METTL8: variants seen among roughly 807,000 people sequenced by gnomAD.
The protein encoded by METTL8 is tRNA N(3)-cytidine methyltransferase METTL8, mitochondrial.
A neutral mutation model predicts 48.7 loss-of-function variants in METTL8; 32 were observed. That is an observed-to-expected ratio of 0.66 (90% CI 0.50 to 0.88). The LOEUF is 0.88. METTL8 is among the 40% of genes least tolerant of loss of function. The pLI is 0.00. For synonymous variants in METTL8, 136 were observed against 157.1 expected, an observed-to-expected ratio of 0.87 and a Z score of 1.01; for missense variants, 464 against 474.4, an observed-to-expected ratio of 0.98 and a Z score of 0.20.
At chr2:171,328,459 T>C (rs1685183797) in intron 7 of METTL8, among the ~76,000 whole-genome samples, 1 of 152,168 alleles carries the variant, frequency 6.6e-6, no homozygotes, top group African/African-American at 2.4e-5. Flanking sequence ...TTTTCTGGGG[T>C]TGAATCTACT....
In METTL8 at chr2:171,324,299, C is replaced by T. The variant is rs201005071; in HGVS notation, c.1097G>A (p.Arg366His). The T allele has an allele frequency of 3.5e-5, 54 of 1,551,554 alleles. No homozygotes were observed. The highest frequency in any genetic ancestry group is 3.4e-4 in the African/African-American group (25 of 73,092). ...LDEKQNLVDR[R>H]LQVNRKKQVK... Reference sequence around the variant, plus strand: ...TTGTTTTTTCCTATTAACTTGTAAGCGGCGATCAACCAGATTTTGCTTTTC... The same window carrying T: ...TTGTTTTTTCCTATTAACTTGTAAGTGGCGATCAACCAGATTTTGCTTTTC... The change falls in exon 10 of 10, where the codon CGC becomes CAC. Residue 366 changes from arginine to histidine, a missense_variant. Physicochemically the swap from Arg to His is conservative, Grantham distance 29. Coordinates refer to ENST00000375258, the MANE Select transcript of METTL8 (RefSeq NM_001321154.2).
chr2:171,326,186 A>ATT, intron 7 of METTL8, 38 bp from the exon 8 acceptor site: 1 of 1,144,618 alleles, frequency 8.7e-7, no homozygotes, highest in African/African-American at 1.6e-5. Context: ...CCCAGTTTGT[A>ATT]GAAATCTTGT....
chr2:171,369,513 T>C (rs1686080827), intron 2 of METTL8, among the ~76,000 whole-genome samples: 1 of 152,224 alleles, frequency 6.6e-6, no homozygotes, highest in South Asian at 2.1e-4. Context: ...AATATGTCAT[T>C]TATGTTAATA....
At chr2:171,342,745 C>CTT (rs1686902613) in intron 3 of METTL8, among the ~76,000 whole-genome samples, 1 of 152,128 alleles carries the variant, frequency 6.6e-6, no homozygotes, top group South Asian at 2.1e-4. Context: ...TATCAAGCTA[C>CTT]TTGTGAAGTG....
rs141737189 is a variant in METTL8 at position 171,330,620 on chromosome 2, G to C, written c.799C>G (p.Pro267Ala). The C allele has an allele frequency of 5.4e-5, 87 of 1,613,794 alleles. No individual in the cohort carries two copies. In the African/African-American group the frequency reaches 1.0e-3, roughly 19 times the overall value. ...VCDDGLPYPF[P>A]DGILDVILLV... ...AGAATGACATCCAGGATCCCATCTGGAAAAGGGTAAGGTAAGCCATCATCA... is the reference window on the plus strand; with the variant it reads ...AGAATGACATCCAGGATCCCATCTGCAAAAGGGTAAGGTAAGCCATCATCA... The change falls in exon 7 of 10, where the codon CCA (proline) becomes GCA (alanine). Residue 267 changes from proline (P) to alanine (A), a missense_variant. Physicochemically the swap from Pro to Ala is conservative, Grantham distance 27. Transcript: ENST00000375258.
At position 171,325,836 on chromosome 2, in the gene METTL8, C is replaced by T; in HGVS notation, c.1033+5G>A. 8 of 1,539,176 alleles carry T rather than the reference C, an allele frequency of 5.2e-6. No individual in the cohort carries two copies. The highest frequency in any genetic ancestry group is 7.1e-6 in the Non-Finnish European group (8 of 1,123,770). On this transcript the variant is annotated splice_donor_5th_base_variant and intron_variant, in intron 9 of 9. Transcript: ENST00000375258. ...CCAATTATTTCCTTTTGTAGATTAG[C>T]ATACCTTTTGTAAAGAAATATGCTC...
At chr2:171,385,609 G>A (rs545921270) in intron 2 of METTL8, among the ~76,000 whole-genome samples, 1 of 152,232 alleles carries the variant, frequency 6.6e-6, no homozygotes, top group Non-Finnish European at 1.5e-5. Flanking sequence ...TGTTGGTAGA[G>A]AGTTCACCAC....
At chr2:171,331,237 A>C (rs918362922) in intron 6 of METTL8, among the ~76,000 whole-genome samples, 2 of 151,966 alleles carry the variant, frequency 1.3e-5, no homozygotes, top group Non-Finnish European at 2.9e-5. Context: ...CAGCCTCCCA[A>C]GTAGCTGGGA....
chr2:171,369,378 T>C (rs926934944), intron 2 of METTL8, among the ~76,000 whole-genome samples: 11 of 152,226 alleles, frequency 7.2e-5, no homozygotes, highest in African/African-American at 2.7e-4. Context: ...ATTATCTTCA[T>C]ATAATGCAAG....
At chr2:171,399,987 T>C (rs1689485090) in intron 1 of METTL8, among the ~76,000 whole-genome samples, 1 of 151,786 alleles carries the variant, frequency 6.6e-6, no homozygotes, top group African/African-American at 2.4e-5. Context: ...TAAAAATAAA[T>C]AAATAAAAGG....
Position 171,321,111 on chromosome 2 carries a change from T to C in METTL8, c.*3061A>G, listed in dbSNP as rs543002317. ...CCCCAAGAAACCTGATTCTTCTCCA[T>C]TCTTTTTCAGAGCTAATCTCTCTCT... is the stretch of plus-strand genomic sequence containing the variant. On this transcript the variant is annotated 3_prime_UTR_variant, in exon 10 of 10. Coordinates refer to ENST00000375258, the MANE Select transcript of METTL8 (RefSeq NM_001321154.2). The C allele has an allele frequency of 6.6e-6, 1 of 152,416 alleles. No individual in the cohort carries two copies. The highest frequency in any genetic ancestry group is 1.9e-4 in the East Asian group (1 of 5,196). 9.4% of individuals were successfully genotyped at this position (152,416 alleles called of 1,614,324 possible).
rs1016504771 is a variant in METTL8, at chr2:171,370,905, G to T, written c.144-10392C>A. 1.4e-4 allele frequency among the ~76,000 whole-genome samples: 21 copies of T among 152,170 alleles called. No individual in the cohort carries two copies. The East Asian group carries it at 3.5e-3, about 25-fold the overall frequency. On this transcript the variant is annotated intron_variant, in intron 2 of 9. Transcript: ENST00000375258. The stretch of plus-strand genomic sequence containing the variant: ...GTGAACAGGACCTAAGGGCTTCTGG[G>T]GTCTGCAATGTTCTGCTCCTGACTA...
chr2:171,375,658 TTTC>T (rs1039007991), intron 2 of METTL8, among the ~76,000 whole-genome samples: 1 of 152,226 alleles, frequency 6.6e-6, no homozygotes, highest in African/African-American at 2.4e-5. Flanking sequence ...TGTTGTTTGC[TTTC>T]TTATTATTGA....
In METTL8 at chr2:171,316,495, A is replaced by G. The variant is rs111390523; in HGVS notation, c.*7677T>C. ...GGAAGAAATGTGAGTAAAACAAGGA[A>G]GATTATAATGAAGCTTTGTCTCACT... On this transcript the variant is annotated 3_prime_UTR_variant, in exon 10 of 10. Transcript: ENST00000375258. 2.7e-3 allele frequency among the ~76,000 whole-genome samples: 407 copies of G among 152,340 alleles called. 3 individuals carry two copies. The highest frequency in any genetic ancestry group is 9.2e-3 in the African/African-American group (384 of 41,578).
At chr2:171,421,449 CAA>C (rs35282555) in intron 1 of METTL8, among the ~76,000 whole-genome samples, 3 of 150,962 alleles carry the variant, frequency 2.0e-5, no homozygotes, top group African/African-American at 2.4e-5. Flanking sequence ...GACCTTACTT[CAA>C]AAAAAAAATA....
intron 2 of METTL8, among the ~76,000 whole-genome samples, chr2:171,370,082 T>C (rs755653319): frequency 6.6e-6 from 1 of 150,576 alleles, no homozygotes; most frequent in Admixed American, 6.6e-5. Context: ...AAAAAAATTA[T>C]TCAATTTATC....
intron 3 of METTL8, among the ~76,000 whole-genome samples, chr2:171,355,909 C>T (rs905774290): frequency 3.0e-4 from 46 of 152,132 alleles, no homozygotes; most frequent in African/African-American, 9.7e-4. Context: ...GGAACCCTTG[C>T]GCTTCCCGGG....
intron 2 of METTL8, among the ~76,000 whole-genome samples, chr2:171,376,740 T>C (rs937473450): frequency 6.6e-6 from 1 of 152,210 alleles, no homozygotes; most frequent in African/African-American, 2.4e-5. Context: ...TGCTCATGGA[T>C]GGGTACAATC....
intron 3 of METTL8, among the ~76,000 whole-genome samples, chr2:171,355,387 G>A (rs948465965): frequency 1.4e-4 from 21 of 152,262 alleles, no homozygotes; most frequent in African/African-American, 4.6e-4. Flanking sequence ...CTACTGGGAG[G>A]TGCCTCCCAG....
Sources: gnomAD v4.1 joint callset for allele counts (sites outside exome capture counted in the v4.1 genomes callset) on GRCh38, gnomAD v4.1.1 for gene constraint, MANE v1.5 for transcripts, NCBI Gene and HGNC (gene_info 2026-07-23, HGNC 2026-07-21) for gene names.